Variants in CHAC1 observed in about 807,000 individuals in gnomAD.
CHAC1 encodes the protein glutathione-specific gamma-glutamylcyclotransferase 1.
A neutral mutation model predicts 22.1 loss-of-function variants in CHAC1; 22 were observed. The observed-to-expected ratio is 1.00, with a 90% confidence interval of 0.71 to 1.42. CHAC1 has a LOEUF of 1.42. CHAC1 is among the 40% of genes most tolerant of loss of function. CHAC1 has a pLI of 0.00. For synonymous variants in CHAC1, 145 were observed against 128.7 expected, an observed-to-expected ratio of 1.13 and a Z score of -0.86; for missense variants, 272 against 299.2, an observed-to-expected ratio of 0.91 and a Z score of 0.67.
chr15:40,955,894 G>A lies in CHAC1; in HGVS notation c.*120G>A. 9.1e-7 allele frequency: 1 copy of A among 1,098,124 alleles called. No homozygotes were observed. The highest frequency in any genetic ancestry group is 1.3e-6 in the Non-Finnish European group (1 of 792,366). 68.0% of individuals were successfully genotyped at this position (1,098,124 alleles called of 1,614,324 possible). A position where few individuals can be genotyped will look rare whatever the true frequency, so the allele number is the denominator to read the frequency against. The stretch of plus-strand genomic sequence containing the variant: ...GAGCAGATATGGTGGGTGGCTGGAG[G>A]CTTCTCTTTCTCAGTCCCTGCCTGT... On this transcript the variant is annotated 3_prime_UTR_variant, in exon 3 of 3. Transcript: ENST00000617768.
intron 2 of CHAC1, 24 bp downstream of exon 2, chr15:40,954,287 G>T (rs1260615021): frequency 1.2e-6 from 2 of 1,613,606 alleles, no homozygotes; most frequent in Non-Finnish European, 1.7e-6. Context: ...TCATGAAGGG[G>T]AACCCTGGCC....
intron 2 of CHAC1, 53 bp downstream of exon 2, chr15:40,954,316 G>A: frequency 1.9e-6 from 3 of 1,578,564 alleles, no homozygotes; most frequent in South Asian, 1.1e-5. Context: ...AGGGGGACCA[G>A]CAGAGAGAGC....
Position 40,953,622 on chromosome 15 carries a change from C to G in CHAC1, c.39C>G (p.Thr13=). 6.2e-7 allele frequency: 1 copy of G among 1,610,070 alleles called. No homozygotes were observed. Among genetic ancestry groups the G allele is most frequent in the Non-Finnish European group, 8.5e-7 (1 of 1,179,972 alleles). The change falls in exon 1 of 3, where the codon ACC becomes ACG. Residue 13 remains threonine (T), a synonymous_variant. Coordinates refer to ENST00000617768, the MANE Select transcript of CHAC1 (RefSeq NM_024111.6). ...QESAAPNTPP[T]SQSPTPSAQF... is the part of the protein sequence containing the mutation. ...CTGCAGCCCCGAACACCCCGCCCACCTCGCAGTCCCCTACGCCGTCCGCTC... is the reference window on the plus strand; with the variant it reads ...CTGCAGCCCCGAACACCCCGCCCACGTCGCAGTCCCCTACGCCGTCCGCTC...
At chr15:40,954,767 C>G (rs1485845069) in intron 2 of CHAC1, among the ~76,000 whole-genome samples, 1 of 151,974 alleles carries the variant, frequency 6.6e-6, no homozygotes, top group Non-Finnish European at 1.5e-5. Flanking sequence ...CCACACTCAG[C>G]TAATTTTTGT....
At position 40,955,409 on chromosome 15, in the gene CHAC1, G is replaced by A. The variant is rs1332558837; in HGVS notation, c.304G>A (p.Glu102Lys). ...TWGVAYQVQG[E>K]QVSKALKYLN... ...GGGCGTGGCATACCAAGTGCAAGGG[G>A]AGCAGGTAAGCAAGGCCCTGAAGTA... Residue 102 changes from glutamate to lysine, a missense_variant, in exon 3 of 3, where the codon GAG (glutamate) becomes AAG (lysine). Physicochemically the swap from Glu to Lys is moderately conservative, Grantham distance 56 (BLOSUM62 1). Transcript: ENST00000617768. 1 of 1,614,038 alleles carries A rather than the reference G, an allele frequency of 6.2e-7. No homozygotes were observed. Among genetic ancestry groups the A allele is most frequent in the Non-Finnish European group, 8.5e-7 (1 of 1,179,978 alleles).
Position 40,955,904 on chromosome 15 carries a change from C to G in CHAC1, c.*130C>G. The stretch of plus-strand genomic sequence containing the variant: ...GGTGGGTGGCTGGAGGCTTCTCTTT[C>G]TCAGTCCCTGCCTGTCTGCCAGCCT... On this transcript the variant is annotated 3_prime_UTR_variant, in exon 3 of 3. Coordinates refer to ENST00000617768, the MANE Select transcript of CHAC1 (RefSeq NM_024111.6). 1 of 949,304 alleles carries G rather than the reference C, an allele frequency of 1.1e-6. No homozygotes were observed. The highest frequency in any genetic ancestry group is 1.8e-5 in the South Asian group (1 of 56,920). The allele number at this position is 949,304 out of a possible 1,614,324, so 58.8% of individuals were successfully genotyped here. A position where few individuals can be genotyped will look rare whatever the true frequency, so the allele number is the denominator to read the frequency against.
chr15:40,953,719 G>C lies in CHAC1; in HGVS notation c.136G>C (p.Asp46His). 1.2e-6 allele frequency: 2 copies of C among 1,604,884 alleles called. No homozygotes were observed. Among genetic ancestry groups the C allele is most frequent in the Non-Finnish European group, 1.7e-6 (2 of 1,179,934 alleles). ...GTACGGCTCCCTGGTGTGGAGGCCC[G>C]ACTTCGCCTACAGCGACAGCCGTGT... Reference protein sequence around the residue: ...FGYGSLVWRPDFAYSDSRVGF... With the variant: ...FGYGSLVWRPHFAYSDSRVGF... Residue 46 changes from aspartate (D) to histidine (H), a missense_variant, in exon 1 of 3, where the codon GAC becomes CAC. Transcript: ENST00000617768.
Position 40,953,697 on chromosome 15 carries a change from C to A in CHAC1, c.114C>A (p.Tyr38Ter). ...CTCAAGCGCTGTGGATTTTCGGGTA[C>A]GGCTCCCTGGTGTGGAGGCCCGACT... ...GDPQALWIFG[Y>*]GSLVWRPDFA... Residue 38 changes from tyrosine (Y) to a stop codon, truncating the protein, a stop_gained, in exon 1 of 3, where the codon TAC becomes TAA. Transcript: ENST00000617768. LOFTEE classifies it high-confidence loss of function. 6.2e-7 allele frequency: 1 copy of A among 1,607,156 alleles called. No individual in the cohort carries two copies. Among genetic ancestry groups the A allele is most frequent in the Non-Finnish European group, 8.5e-7 (1 of 1,179,988 alleles).
chr15:40,955,873 A>C lies in CHAC1; in HGVS notation c.*99A>C, dbSNP rs1387313212. On this transcript the variant is annotated 3_prime_UTR_variant, in exon 3 of 3. Coordinates refer to ENST00000617768, the MANE Select transcript of CHAC1 (RefSeq NM_024111.6). ...TTGCGACCGCTTGAGCCCACTGAGC[A>C]GATATGGTGGGTGGCTGGAGGCTTC... The C allele has an allele frequency of 7.8e-7, 1 of 1,284,998 alleles. No homozygotes were observed. The highest frequency in any genetic ancestry group is 2.8e-5 in the Admixed American group (1 of 35,398). The allele number at this position is 1,284,998 out of a possible 1,614,324, so 79.6% of individuals were successfully genotyped here.
Position 40,953,512 on chromosome 15 carries a change from C to T in CHAC1, c.-72C>T, listed in dbSNP as rs775626777. The T allele has an allele frequency of 5.6e-6, 9 of 1,597,140 alleles. No individual in the cohort carries two copies. Among genetic ancestry groups the T allele is most frequent in the Middle Eastern group, 1.7e-4 (1 of 5,908 alleles). ...CGGTGCCAGGCCAGGTGTGTGCGTC[C>T]GTCGGTCTTTCCGTGCCCACGCCGG... On this transcript the variant is annotated 5_prime_UTR_variant, in exon 1 of 3. Transcript: ENST00000617768.
chr15:40,953,497 C>A lies in CHAC1; in HGVS notation c.-87C>A, dbSNP rs780945495. The A allele has an allele frequency of 1.3e-6, 2 of 1,579,478 alleles. No homozygotes were observed. Among genetic ancestry groups the A allele is most frequent in the Non-Finnish European group, 1.7e-6 (2 of 1,166,496 alleles). ...GCTGGAGCTACCGAGCGGTGCCAGG[C>A]CAGGTGTGTGCGTCCGTCGGTCTTT... On this transcript the variant is annotated 5_prime_UTR_variant, in exon 1 of 3. Transcript: ENST00000617768.
At position 40,953,508 on chromosome 15, in the gene CHAC1, C is replaced by T. The variant is rs774106200; in HGVS notation, c.-76C>T. On this transcript the variant is annotated 5_prime_UTR_variant, in exon 1 of 3. Transcript: ENST00000617768. ...CGAGCGGTGCCAGGCCAGGTGTGTG[C>T]GTCCGTCGGTCTTTCCGTGCCCACG... is the stretch of plus-strand genomic sequence containing the variant. 2 of 1,591,942 alleles carry T rather than the reference C, an allele frequency of 1.3e-6. No homozygotes were observed. The highest frequency in any genetic ancestry group is 1.7e-6 in the Non-Finnish European group (2 of 1,172,516).
At position 40,955,780 on chromosome 15, in the gene CHAC1, T is replaced by A; in HGVS notation, c.*6T>A. 1.3e-6 allele frequency: 2 copies of A among 1,585,672 alleles called. No individual in the cohort carries two copies. Among genetic ancestry groups the A allele is most frequent in the Non-Finnish European group, 1.7e-6 (2 of 1,171,526 alleles). On this transcript the variant is annotated 3_prime_UTR_variant, in exon 3 of 3. Transcript: ENST00000617768. ...AGGCTCTGGCGCTGGTGTGAGGGGC[T>A]GAGCCCCTGCGGGGAGTGCTCATGT...
intron 1 of CHAC1, 82 bp downstream of exon 1, chr15:40,953,896 C>T (rs1312202670): frequency 3.7e-6 from 4 of 1,083,140 alleles, no homozygotes; most frequent in African/African-American, 3.1e-5. Flanking sequence ...GTCCGGGGCT[C>T]TCTGGGCCAA....
chr15:40,954,328 C>A (rs1893180724), intron 2 of CHAC1, 65 bp downstream of exon 2: 2 of 1,529,512 alleles, frequency 1.3e-6, no homozygotes, highest in Non-Finnish European at 1.8e-6. Flanking sequence ...AGAGAGAGCT[C>A]ATAGGCTCTT....
chr15:40,955,864 C>G lies in CHAC1; in HGVS notation c.*90C>G. ...AAGACAGACTTGCGACCGCTTGAGC[C>G]CACTGAGCAGATATGGTGGGTGGCT... On this transcript the variant is annotated 3_prime_UTR_variant, in exon 3 of 3. Transcript: ENST00000617768. 7.4e-7 allele frequency: 1 copy of G among 1,358,018 alleles called. No homozygotes were observed. The highest frequency in any genetic ancestry group is 2.5e-5 in the East Asian group (1 of 39,830). 84.1% of individuals were successfully genotyped at this position (1,358,018 alleles called of 1,614,324 possible). A position where few individuals can be genotyped will look rare whatever the true frequency, so the allele number is the denominator to read the frequency against.
At chr15:40,954,143 G>GTCAGCGGGATTGATAAAGGT in intron 1 of CHAC1, 85 bp from the exon 2 acceptor site, 1 of 1,455,314 alleles carries the variant, frequency 6.9e-7, no homozygotes, top group Non-Finnish European at 9.6e-7. Flanking sequence ...GGAGGCCCGG[G>GTCAGCGGGATTGATAAAGGT]TCAGCGGGAT....
intron 1 of CHAC1, 130 bp from the exon 2 acceptor site, chr15:40,954,098 C>A: frequency 2.1e-6 from 2 of 932,850 alleles, no homozygotes; most frequent in Non-Finnish European, 3.4e-6. Context: ...CCTTCCCCTG[C>A]ATGAATGGGA....
chr15:40,954,145 C>A, intron 1 of CHAC1, 83 bp from the exon 2 acceptor site: 2 of 1,468,102 alleles, frequency 1.4e-6, no homozygotes, highest in South Asian at 1.1e-5. Context: ...AGGCCCGGGT[C>A]AGCGGGATTG....
Sources: allele counts gnomAD v4.1 joint callset (sites outside exome capture counted in the v4.1 genomes callset), GRCh38; gene constraint gnomAD v4.1.1; transcripts MANE v1.5; gene names NCBI Gene and HGNC (gene_info 2026-07-23, HGNC 2026-07-21).